The following ARHGAP26 variants were observed in gnomAD, a reference collection of about 807,000 sequenced individuals.
The protein encoded by ARHGAP26 is Rho GTPase activating protein 26.
In ARHGAP26, 38 loss-of-function variants were observed where a neutral mutation model predicts 104.8. That is an observed-to-expected ratio of 0.36 (90% CI 0.28 to 0.48). The LOEUF (loss-of-function observed/expected upper bound fraction) is 0.48. Ranked by LOEUF, ARHGAP26 falls within the 20% of genes least tolerant of loss-of-function variation. The probability of loss-of-function intolerance (pLI) is 0.99; values close to 1 mark genes in which losing one functional copy is unlikely to be tolerated. For missense variants in ARHGAP26, 704 were observed against 947.9 expected (o/e 0.74, Z 3.38); for synonymous variants, 341 against 340.0 (o/e 1.00, Z -0.03).
chr5:142,810,444 T>G (rs1335367521), intron 1 of ARHGAP26, among the ~76,000 whole-genome samples: 1 of 152,092 alleles, frequency 6.6e-6, no homozygotes, highest in Non-Finnish European at 1.5e-5. Flanking sequence ...TCATAATATT[T>G]TAATGAACAT....
chr5:142,818,456 G>A (rs941841519), intron 1 of ARHGAP26, among the ~76,000 whole-genome samples: 1 of 152,172 alleles, frequency 6.6e-6, no homozygotes, highest in African/African-American at 2.4e-5. Context: ...AGGACCTTTT[G>A]GTGGCTGCAC....
At chr5:143,170,072 G>C (rs1171030255) in intron 20 of ARHGAP26, 1 of 152,160 alleles carries the variant, frequency 6.6e-6, no homozygotes, top group Non-Finnish European at 1.5e-5. Flanking sequence ...CTGGGAAAAG[G>C]CTTTCATTAT....
intron 18 of ARHGAP26, among the ~76,000 whole-genome samples, chr5:143,129,439 G>A (rs1395517116): frequency 2.6e-5 from 4 of 152,150 alleles, no homozygotes; most frequent in South Asian, 2.1e-4. Context: ...AGGTCACAGC[G>A]CTAGTAAGTG....
intron 1 of ARHGAP26, among the ~76,000 whole-genome samples, chr5:142,783,701 T>C (rs1197020669): frequency 6.6e-6 from 1 of 152,236 alleles, no homozygotes; most frequent in Non-Finnish European, 1.5e-5. Flanking sequence ...TGATCTCAGC[T>C]GGTTCTCACC....
intron 11 of ARHGAP26, among the ~76,000 whole-genome samples, chr5:142,935,599 A>C (rs764782996): frequency 1.3e-5 from 2 of 152,202 alleles, no homozygotes; most frequent in Non-Finnish European, 2.9e-5. Context: ...ATTCCAAGAA[A>C]GTTCTTTAAT....
At chr5:143,047,236 A>G (rs1329724642) in intron 14 of ARHGAP26, among the ~76,000 whole-genome samples, 2 of 152,254 alleles carry the variant, frequency 1.3e-5, no homozygotes, top group African/African-American at 4.8e-5. Context: ...TTGAGGCAGC[A>G]GAGACTAAGA....
Position 143,214,076 on chromosome 5 carries a change from G to C in ARHGAP26, c.2179G>C (p.Val727Leu). 7.0e-7 allele frequency: 1 copy of C among 1,435,164 alleles called. No individual in the cohort carries two copies. Among genetic ancestry groups the C allele is most frequent in the Non-Finnish European group, 9.4e-7 (1 of 1,064,286 alleles). The allele number at this position is 1,435,164 out of a possible 1,614,324, so 88.9% of individuals were successfully genotyped here. Residue 727 changes from valine to leucine, a missense_variant, in exon 22 of 23, where the codon GTC becomes CTC. Val to Leu is a conservative substitution (Grantham distance 32, BLOSUM62 1). Coordinates refer to ENST00000645722, the MANE Select transcript of ARHGAP26 (RefSeq NM_001135608.3). The stretch of plus-strand genomic sequence containing the variant: ...AGAACTTTCGTTCACAGCAGGCACG[G>C]TCTTCGATAACGGTGAGTTTCTCAT... Reference protein sequence around the residue: ...DSELSFTAGTVFDNVHPSQEP... With the variant: ...DSELSFTAGTLFDNVHPSQEP...
intron 1 of ARHGAP26, among the ~76,000 whole-genome samples, chr5:142,793,776 C>T (rs150643108): frequency 1.3e-5 from 2 of 151,906 alleles, no homozygotes; most frequent in Non-Finnish European, 2.9e-5. Flanking sequence ...TAAGTAGATA[C>T]GGGGTTTCTC....
intron 12 of ARHGAP26, among the ~76,000 whole-genome samples, chr5:143,017,712 T>A (rs1302110864): frequency 6.6e-6 from 1 of 152,242 alleles, no homozygotes; most frequent in Admixed American, 6.5e-5. Context: ...ATGCTGTGGC[T>A]TCTGATTACT....
intron 11 of ARHGAP26, among the ~76,000 whole-genome samples, chr5:143,011,265 G>C (rs1317843285): frequency 6.7e-6 from 1 of 150,082 alleles, no homozygotes; most frequent in African/African-American, 2.5e-5. Context: ...TCTCTTCCGA[G>C]AGGCATTTCC....
Position 143,227,395 on chromosome 5 carries a change from A to G in ARHGAP26, c.*4949A>G. On this transcript the variant is annotated 3_prime_UTR_variant, in exon 23 of 23. Transcript: ENST00000645722. ...CTGCCCCACATCACTTTATAAAGTC[A>G]GCAGGATGTCTTCTCACCCACCCTG... 1 of 231,716 alleles carries G rather than the reference A, an allele frequency of 4.3e-6. No homozygotes were observed. Among genetic ancestry groups the G allele is most frequent in the African/African-American group, 2.2e-5 (1 of 45,360 alleles). The allele number at this position is 231,716 out of a possible 1,614,324, so 14.4% of individuals were successfully genotyped here. A position where few individuals can be genotyped will look rare whatever the true frequency, so the allele number is the denominator to read the frequency against.
At chr5:142,961,701 T>C (rs1770279278) in intron 11 of ARHGAP26, among the ~76,000 whole-genome samples, 1 of 152,188 alleles carries the variant, frequency 6.6e-6, no homozygotes, top group African/African-American at 2.4e-5. Context: ...ATAAAGTCTA[T>C]CCTCCTGTGC....
At chr5:143,174,874 T>G (rs1673460572) in intron 20 of ARHGAP26, among the ~76,000 whole-genome samples, 1 of 152,242 alleles carries the variant, frequency 6.6e-6, no homozygotes, top group African/African-American at 2.4e-5. Context: ...ATTGAACTTC[T>G]AAGCCTCATA....
intron 17 of ARHGAP26, among the ~76,000 whole-genome samples, chr5:143,058,476 G>A (rs1401387861): frequency 4.6e-5 from 7 of 152,184 alleles, no homozygotes; most frequent in South Asian, 2.1e-4. Flanking sequence ...CTGACTTCCC[G>A]TGCTGCATTC....
intron 12 of ARHGAP26, among the ~76,000 whole-genome samples, chr5:143,023,135 C>A (rs1780568697): frequency 6.6e-6 from 1 of 152,236 alleles, no homozygotes; most frequent in African/African-American, 2.4e-5. Context: ...AGGGATTTGG[C>A]AACACAACAT....
intron 12 of ARHGAP26, among the ~76,000 whole-genome samples, chr5:143,036,609 G>T (rs755150292): frequency 1.3e-5 from 2 of 152,198 alleles, no homozygotes; most frequent in East Asian, 1.9e-4. Flanking sequence ...TCAGGGACAC[G>T]TTTAAGGCAG....
At chr5:142,907,673 T>C (rs535593535) in intron 8 of ARHGAP26, 31 bp from the exon 9 acceptor site, 7 of 1,489,500 alleles carry the variant, frequency 4.7e-6, no homozygotes, top group South Asian at 1.2e-5. Context: ...GTGGAATGTA[T>C]AGATATTTTA....
At chr5:143,045,028 T>C (rs1374799592) in intron 14 of ARHGAP26, among the ~76,000 whole-genome samples, 5 of 152,214 alleles carry the variant, frequency 3.3e-5, no homozygotes, top group African/African-American at 1.2e-4. Context: ...TATGACATTT[T>C]AGACTGGTTT....
intron 20 of ARHGAP26, among the ~76,000 whole-genome samples, chr5:143,157,562 A>T (rs1800645389): frequency 6.6e-6 from 1 of 152,200 alleles, no homozygotes; most frequent in African/African-American, 2.4e-5. Context: ...CATTTCCTAA[A>T]TACGTTGACC....
Sources: gnomAD v4.1 joint callset for allele counts (sites outside exome capture counted in the v4.1 genomes callset) on GRCh38, gnomAD v4.1.1 for gene constraint, MANE v1.5 for transcripts, NCBI Gene and HGNC (gene_info 2026-07-23, HGNC 2026-07-21) for gene names.